SIAE: variants seen among roughly 807,000 people sequenced by gnomAD.
SIAE encodes sialate O-acetylesterase.
Under a neutral mutation model 52.6 loss-of-function variants are expected in SIAE, and 39 were observed. That is an observed-to-expected ratio of 0.74 (90% CI 0.57 to 0.97). The LOEUF (loss-of-function observed/expected upper bound fraction) is 0.97. SIAE is among the 50% of genes least tolerant of loss of function. The pLI is 0.00. For synonymous variants in SIAE, 233 were observed against 241.4 expected, an observed-to-expected ratio of 0.97 and a Z score of 0.32; for missense variants, 592 against 662.1, an observed-to-expected ratio of 0.89 and a Z score of 1.16.
intron 2 of SIAE, among the ~76,000 whole-genome samples, chr11:124,664,574 T>G (rs1430583607): frequency 1.3e-5 from 2 of 152,038 alleles, no homozygotes; most frequent in Non-Finnish European, 2.9e-5. Flanking sequence ...CTTCTCACAT[T>G]CCAGCCAAGG....
rs1942754853 is a variant in SIAE at position 124,636,988 on chromosome 11, T to A, written c.1535A>T (p.Asp512Val). The change falls in exon 10 of 10, where the codon GAC (aspartate) becomes GTC (valine). Residue 512 changes from aspartate to valine, a missense_variant. By Grantham distance (152) the Asp-to-Val change is radical. Coordinates refer to ENST00000263593, the MANE Select transcript of SIAE (RefSeq NM_170601.5). Reference protein sequence around the residue: ...PAPPFIAFITDQGPGHQSNVA... With the variant: ...PAPPFIAFITVQGPGHQSNVA... ...ATTGCTCTGATGTCCAGGACCCTGG[T>A]CTGTAATGAAAGCAATGAAGGGAGG... 2 of 1,614,142 alleles carry A rather than the reference T, an allele frequency of 1.2e-6. No individual in the cohort carries two copies. Among genetic ancestry groups the A allele is most frequent in the Non-Finnish European group, 1.7e-6 (2 of 1,180,024 alleles).
chr11:124,655,153 A>T (rs555790899), intron 3 of SIAE, among the ~76,000 whole-genome samples: 7 of 151,802 alleles, frequency 4.6e-5, no homozygotes, highest in Non-Finnish European at 1.0e-4. Flanking sequence ...CATAACACAA[A>T]ACCAGACCAA....
Position 124,665,147 on chromosome 11 carries a change from C to A in SIAE, c.229+4213G>T, listed in dbSNP as rs78231475. Among the ~76,000 whole-genome samples, 410 of 152,316 alleles carry A rather than the reference C, an allele frequency of 2.7e-3. 3 individuals are homozygous for A. The highest frequency in any genetic ancestry group is 9.6e-3 in the African/African-American group (398 of 41,554). On this transcript the variant is annotated intron_variant, in intron 2 of 9. Coordinates refer to ENST00000263593, the MANE Select transcript of SIAE (RefSeq NM_170601.5). ...GTGGCAGACACAGCCTAAGGTGACA[C>A]CCCAAAGTCACATGCTTGTGTGGCT...
intron 1 of SIAE, 48 bp downstream of exon 1, chr11:124,673,594 C>T (rs1235725967): frequency 6.3e-7 from 1 of 1,596,606 alleles, no homozygotes; most frequent in Non-Finnish European, 8.6e-7. Flanking sequence ...GGTCTCGGAG[C>T]CCGCACAGGC....
intron 3 of SIAE, among the ~76,000 whole-genome samples, chr11:124,656,438 G>A (rs887668287): frequency 6.6e-6 from 1 of 152,084 alleles, no homozygotes; most frequent in South Asian, 2.1e-4. Flanking sequence ...ACAGTCCCAA[G>A]GAATTAAAGA....
intron 5 of SIAE, among the ~76,000 whole-genome samples, chr11:124,649,376 T>G (rs1447832733): frequency 2.0e-5 from 3 of 151,860 alleles, no homozygotes; most frequent in Non-Finnish European, 2.9e-5. Context: ...TATAAAAAGC[T>G]TTCAGTAACC....
chr11:124,675,258 CAAG>C, upstream of SIAE: 1 of 1,610,010 alleles, frequency 6.2e-7, no homozygotes, highest in Non-Finnish European at 8.5e-7. Flanking sequence ...CAGTTCTTAC[CAAG>C]AAGATGTCGA....
At chr11:124,653,220 A>G (rs1236466487) in intron 4 of SIAE, among the ~76,000 whole-genome samples, 1 of 152,224 alleles carries the variant, frequency 6.6e-6, no homozygotes, top group African/African-American at 2.4e-5. Flanking sequence ...TGTAAGCTCC[A>G]TGAGGTCAGG....
Position 124,636,856 on chromosome 11 carries a change from A to ATT in SIAE, c.*93_*94dup. On this transcript the variant is annotated 3_prime_UTR_variant, in exon 10 of 10. Coordinates refer to ENST00000263593, the MANE Select transcript of SIAE (RefSeq NM_170601.5). ...AGCCATTCAATGAGGCTTTCTATTAATTTCCTTTAAAAGCAATGGTTATTA... is the reference window on the plus strand; with the variant it reads ...AGCCATTCAATGAGGCTTTCTATTAATTTTTCCTTTAAAAGCAATGGTTATTA... 1 of 1,567,106 alleles carries ATT rather than the reference A, an allele frequency of 6.4e-7. No individual in the cohort carries two copies. The highest frequency in any genetic ancestry group is 1.1e-5 in the South Asian group (1 of 89,368).
At chr11:124,637,248 T>G (rs191843167) in intron 9 of SIAE, 46 bp from the exon 10 acceptor site, 1 of 1,613,280 alleles carries the variant, frequency 6.2e-7, no homozygotes, top group East Asian at 2.2e-5. Flanking sequence ...CAGAAGGGTC[T>G]TCCAAGAAAC....
In SIAE at chr11:124,654,684, A is replaced by G; in HGVS notation, c.515T>C (p.Val172Ala). Residue 172 changes from valine (V) to alanine (A), a missense_variant, in exon 4 of 10, where the codon GTT becomes GCT. Transcript: ENST00000263593. ...GGTGGGCTTAGACCACTGCAAGTCAACCGCAACAAGGTCCTCCAGCTCCTG... is the reference window on the plus strand; with the variant it reads ...GGTGGGCTTAGACCACTGCAAGTCAGCCGCAACAAGGTCCTCCAGCTCCTG... ...AEQELEDLVA[V>A]DLQWSKPTSE... is the part of the protein sequence containing the mutation. The G allele has an allele frequency of 1.2e-6, 2 of 1,614,224 alleles. No individual in the cohort carries two copies. Among genetic ancestry groups the G allele is most frequent in the East Asian group, 4.5e-5 (2 of 44,892 alleles).
In SIAE at chr11:124,638,757, T is replaced by C. The variant is rs1565407377; in HGVS notation, c.1125-20A>G. 1.2e-6 allele frequency: 2 copies of C among 1,608,632 alleles called. No homozygotes were observed. The highest frequency in any genetic ancestry group is 2.2e-5 in the East Asian group (1 of 44,860). On this transcript the variant is annotated intron_variant, in intron 8 of 9. Coordinates refer to ENST00000263593, the MANE Select transcript of SIAE (RefSeq NM_170601.5). The stretch of plus-strand genomic sequence containing the variant: ...TGGATGCTACAGGATAAGGAACAAG[T>C]AGAGAACTTTGGGTTTAAGCTCAAC...
In SIAE at chr11:124,639,805, T is replaced by C; in HGVS notation, c.1029A>G (p.Gln343=). 1.9e-6 allele frequency: 3 copies of C among 1,614,238 alleles called. No homozygotes were observed. The highest frequency in any genetic ancestry group is 2.5e-6 in the Non-Finnish European group (3 of 1,180,042). Residue 343 remains glutamine, a synonymous_variant, in exon 8 of 10, where the codon CAA becomes CAG. Transcript: ENST00000263593. ...DDGFPQIRWH[Q]TADFGYVPNP... The stretch of plus-strand genomic sequence containing the variant: ...TGGGGACATAGCCGAAGTCTGCTGT[T>C]TGATGCCAACGGATCTGGGGAAATC...
At chr11:124,641,328 G>A (rs1194900672) in intron 7 of SIAE, among the ~76,000 whole-genome samples, 3 of 152,170 alleles carry the variant, frequency 2.0e-5, no homozygotes, top group African/African-American at 4.8e-5. Flanking sequence ...CACTTCACAT[G>A]TTAGAAGCAT....
upstream of SIAE, chr11:124,675,589 T>C (rs1943452220): frequency 4.9e-6 from 3 of 614,378 alleles, no homozygotes; most frequent in Non-Finnish European, 8.0e-6. Flanking sequence ...TATGTTCTCT[T>C]AAATTCGTTT....
At chr11:124,661,406 C>T (rs1007224318) in intron 2 of SIAE, among the ~76,000 whole-genome samples, 1 of 152,158 alleles carries the variant, frequency 6.6e-6, no homozygotes, top group Non-Finnish European at 1.5e-5. Context: ...ATAAATTAAT[C>T]TCTCTGTGAA....
intron 9 of SIAE, among the ~76,000 whole-genome samples, chr11:124,637,923 A>C (rs916900855): frequency 6.6e-6 from 1 of 152,158 alleles, no homozygotes. Flanking sequence ...TCCCAACCTA[A>C]GGCCTCATGA....
intron 9 of SIAE, 103 bp from the exon 10 acceptor site, chr11:124,637,305 T>G: frequency 6.5e-7 from 1 of 1,533,042 alleles, no homozygotes; most frequent in South Asian, 1.1e-5. Context: ...AAGGAGACAC[T>G]CTTCACCAAG....
chr11:124,639,837 C>T lies in SIAE; in HGVS notation c.997G>A (p.Asp333Asn), dbSNP rs752872722. ...CAACGGATCTGGGGAAATCCATCGT[C>T]TGAGCTCTTCTTAGACAAATCTGAA... ...LSSDLSKKSS[D>N]DGFPQIRWHQ... Residue 333 changes from aspartate to asparagine, a missense_variant, in exon 8 of 10, where the codon GAC becomes AAC. Coordinates refer to ENST00000263593, the MANE Select transcript of SIAE (RefSeq NM_170601.5). 8.1e-6 allele frequency: 13 copies of T among 1,614,106 alleles called. No homozygotes were observed. Among genetic ancestry groups the T allele is most frequent in the East Asian group, 4.5e-5 (2 of 44,906 alleles).
Sources: gnomAD v4.1 joint callset for allele counts (sites outside exome capture counted in the v4.1 genomes callset) on GRCh38, gnomAD v4.1.1 for gene constraint, MANE v1.5 for transcripts, NCBI Gene and HGNC (gene_info 2026-07-23, HGNC 2026-07-21) for gene names.